The following NAA80 variants were observed in gnomAD, a reference collection of about 807,000 sequenced individuals.
NAA80 encodes the protein N-alpha-acetyltransferase 80.
In NAA80, 5 loss-of-function variants were observed where a neutral mutation model predicts 8.7. The ratio of observed to expected loss-of-function variants is 0.58; its 90% CI spans 0.30 to 1.21. The LOEUF (loss-of-function observed/expected upper bound fraction) is 1.21, where lower values mean the gene tolerates loss of function less well. Among genes scored for constraint, NAA80 ranks in the 50% most tolerant of loss-of-function variants. The pLI is 0.07. For synonymous variants in NAA80, 149 were observed against 156.6 expected (o/e 0.95, Z 0.36); for missense variants, 360 against 368.6 (o/e 0.98, Z 0.19).
chr3:50,297,691 C>T lies in NAA80; in HGVS notation c.-209-19G>A. On this transcript the variant is annotated intron_variant, in intron 1 of 1. Transcript: ENST00000443094. This position sits in a 1 kb window ranked among gnomAD's most constrained non-coding sequence, Gnocchi z 4.3. ...TCTCCTCCTGTAGATAACAGCCATG[C>T]TGGGCTGTGCCAGGAGGGAGGGTGG... The T allele has an allele frequency of 7.3e-7, 1 of 1,373,856 alleles. No individual in the cohort carries two copies. Among genetic ancestry groups the T allele is most frequent in the Non-Finnish European group, 9.4e-7 (1 of 1,068,718 alleles). 85.1% of individuals were successfully genotyped at this position (1,373,856 alleles called of 1,614,324 possible).
In NAA80 at chr3:50,296,980, C is replaced by T; in HGVS notation, c.484G>A (p.Val162Ile). ...CGGAAGCCCCGGGCCCGAGCAAAGACCTCCAGGCCCTCCATGAGGCGGCGG... is the reference window on the plus strand; with the variant it reads ...CGGAAGCCCCGGGCCCGAGCAAAGATCTCCAGGCCCTCCATGAGGCGGCGG... ...FGRRLMEGLE[V>I]FARARGFRKL... The change falls in exon 2 of 2, where the codon GTC becomes ATC. Residue 162 changes from valine (V) to isoleucine (I), a missense_variant. Coordinates refer to ENST00000443094, the MANE Select transcript of NAA80 (RefSeq NM_001200016.2). 2 of 1,573,388 alleles carry T rather than the reference C, an allele frequency of 1.3e-6. No homozygotes were observed. Among genetic ancestry groups the T allele is most frequent in the South Asian group, 1.2e-5 (1 of 84,256 alleles).
At position 50,299,327 on chromosome 3, in the gene NAA80, C is replaced by G; in HGVS notation, c.-324G>C. On this transcript the variant is annotated 5_prime_UTR_variant, in exon 1 of 2. Coordinates refer to ENST00000443094, the MANE Select transcript of NAA80 (RefSeq NM_001200016.2). ...ACAACGTTGGCCCCCAGCGGTGCGG[C>G]GGATGTTCTGCAGCCGTCGCGTCCT... is the stretch of plus-strand genomic sequence containing the variant. 6.3e-7 allele frequency: 1 copy of G among 1,597,296 alleles called. No homozygotes were observed. The highest frequency in any genetic ancestry group is 8.5e-7 in the Non-Finnish European group (1 of 1,173,798).
chr3:50,298,774 C>G, intron 1 of NAA80: 3 of 1,066,676 alleles, frequency 2.8e-6, no homozygotes, highest in Non-Finnish European at 3.4e-6. Flanking sequence ...ACAGGCACCC[C>G]CCTCCCCTCA....
chr3:50,299,007 T>C, intron 1 of NAA80: 1 of 1,477,646 alleles, frequency 6.8e-7, no homozygotes, highest in South Asian at 1.3e-5. Flanking sequence ...GGGCCTCGGT[T>C]TCCCCCTCCC....
At chr3:50,298,139 C>G in intron 1 of NAA80, 1 of 976,710 alleles carries the variant, frequency 1.0e-6, no homozygotes, top group Non-Finnish European at 1.2e-6. Flanking sequence ...CTCAAACCTA[C>G]CCAAGGTTCC....
Position 50,296,656 on chromosome 3 carries a change from G to GT in NAA80, c.807dup (p.Gln270ThrfsTer43). 6.2e-7 allele frequency: 1 copy of GT among 1,613,966 alleles called. No individual in the cohort carries two copies. Among genetic ancestry groups the GT allele is most frequent in the Non-Finnish European group, 8.5e-7 (1 of 1,179,968 alleles). The stretch of plus-strand genomic sequence containing the variant: ...GGGCGCCCCCTCACATTTTGATATT[G>GT]TGTCTCCAGCAGGCTTTTTGAAGGG... On this transcript the variant is annotated frameshift_variant, in exon 2 of 2. Transcript: ENST00000443094. LOFTEE classifies it high-confidence loss of function.
In NAA80 at chr3:50,296,729, AG is replaced by A. The variant is rs34185226; in HGVS notation, c.734del (p.Pro245LeufsTer7). 6.2e-5 allele frequency: 99 copies of A among 1,589,604 alleles called. No homozygotes were observed. Among genetic ancestry groups the A allele is most frequent in the Non-Finnish European group, 8.4e-5 (98 of 1,168,766 alleles). ...AGATGGTCAGGCACTCAGGTAGGGGAGGGGGTGGTGGCAATGGAGGTCCCTT... is the reference window on the plus strand; with the variant it reads ...AGATGGTCAGGCACTCAGGTAGGGGAGGGGTGGTGGCAATGGAGGTCCCTT... ...GPKGPPLPPP[P>X]PLPECLTISP... On this transcript the variant is annotated frameshift_variant, in exon 2 of 2. Transcript: ENST00000443094. LOFTEE classifies it high-confidence loss of function.
Position 50,297,481 on chromosome 3 carries a change from G to T in NAA80, c.-18C>A. 2 of 1,572,134 alleles carry T rather than the reference G, an allele frequency of 1.3e-6. No homozygotes were observed. The highest frequency in any genetic ancestry group is 1.7e-6 in the Non-Finnish European group (2 of 1,155,772). On this transcript the variant is annotated 5_prime_UTR_variant, in exon 2 of 2. Coordinates refer to ENST00000443094, the MANE Select transcript of NAA80 (RefSeq NM_001200016.2). The surrounding 1 kb of genome is among the most constrained non-coding windows in gnomAD (Gnocchi z 4.3). Reference sequence around the variant, plus strand: ...AGCTCCATCCGGTGTGTAGGGTCTAGTGTAGGGGTCAGCTTGGCTGGGCCA... The same window carrying T: ...AGCTCCATCCGGTGTGTAGGGTCTATTGTAGGGGTCAGCTTGGCTGGGCCA...
At position 50,296,840 on chromosome 3, in the gene NAA80, C is replaced by T; in HGVS notation, c.624G>A (p.Leu208=). 6.3e-7 allele frequency: 1 copy of T among 1,585,670 alleles called. No individual in the cohort carries two copies. The highest frequency in any genetic ancestry group is 8.6e-7 in the Non-Finnish European group (1 of 1,167,492). Residue 208 remains leucine (L), a synonymous_variant, in exon 2 of 2, where the codon CTG becomes CTA. Coordinates refer to ENST00000443094, the MANE Select transcript of NAA80 (RefSeq NM_001200016.2). ...AGGGGGCTGTGGGGAAGGCATTAAG[C>T]AGGGTGGCAGGCAGCCGTCTGCTGG... is the stretch of plus-strand genomic sequence containing the variant. The part of the protein sequence containing the change: ...VFTSRRLPAT[L]LNAFPTAPSP...
Position 50,299,356 on chromosome 3 carries a change from G to A in NAA80, c.-353C>T. On this transcript the variant is annotated 5_prime_UTR_variant, in exon 1 of 2. Coordinates refer to ENST00000443094, the MANE Select transcript of NAA80 (RefSeq NM_001200016.2). ...TGTTCTGCAGCCGTCGCGTCCTGCG[G>A]CACGCCACGGCGTTCTAAGGCCTCC... The A allele has an allele frequency of 1.3e-6, 2 of 1,547,916 alleles. No homozygotes were observed. The highest frequency in any genetic ancestry group is 2.4e-5 in the East Asian group (1 of 41,646).
chr3:50,298,270 G>A (rs1553711730), intron 1 of NAA80, among the ~76,000 whole-genome samples: 1 of 152,068 alleles, frequency 6.6e-6, no homozygotes, highest in East Asian at 1.9e-4. Context: ...AGTGGATCCT[G>A]GGGCCCCACT....
intron 1 of NAA80, among the ~76,000 whole-genome samples, chr3:50,298,321 C>CGGA (rs1216763783): frequency 1.3e-5 from 2 of 152,122 alleles, no homozygotes; most frequent in African/African-American, 4.8e-5. Flanking sequence ...TCTTGACTGC[C>CGGA]TTCCCCACCT....
Position 50,297,109 on chromosome 3 carries a change from C to A in NAA80, c.355G>T (p.Val119Phe). 1 of 1,554,726 alleles carries A rather than the reference C, an allele frequency of 6.4e-7. No individual in the cohort carries two copies. The highest frequency in any genetic ancestry group is 8.7e-7 in the Non-Finnish European group (1 of 1,148,796). Residue 119 changes from valine (V) to phenylalanine (F), a missense_variant, in exon 2 of 2, where the codon GTT (valine) becomes TTT (phenylalanine). Physicochemically the swap from Val to Phe is conservative, Grantham distance 50 (BLOSUM62 -1). Transcript: ENST00000443094. The surrounding 1 kb of genome is among the most constrained non-coding windows in gnomAD (Gnocchi z 4.3). ...GACAGGCGGGCATGGCCCACCACAA[C>A]GGGTGCTGCTTCAAGTGTGGGGTGG... ...SPHPTLEAAP[V>F]VVGHARLSRV...
At position 50,296,942 on chromosome 3, in the gene NAA80, G is replaced by T; in HGVS notation, c.522C>A (p.Leu174=). 6.2e-7 allele frequency: 1 copy of T among 1,606,960 alleles called. No homozygotes were observed. The highest frequency in any genetic ancestry group is 1.1e-5 in the South Asian group (1 of 90,346). The change falls in exon 2 of 2, where the codon CTC becomes CTA. Residue 174 remains leucine (L), a synonymous_variant. Coordinates refer to ENST00000443094, the MANE Select transcript of NAA80 (RefSeq NM_001200016.2). ...AGAAGTGCACCTGGTCATGGGTGGTGAGATGCAGCTTGCGGAAGCCCCGGG... is the reference window on the plus strand; with the variant it reads ...AGAAGTGCACCTGGTCATGGGTGGTTAGATGCAGCTTGCGGAAGCCCCGGG... ...ARARGFRKLH[L]TTHDQVHFYT... is the part of the protein sequence containing the mutation.
Position 50,296,571 on chromosome 3 carries a change from A to G in NAA80, c.*32T>C. The G allele has an allele frequency of 6.2e-7, 1 of 1,607,384 alleles. No individual in the cohort carries two copies. Among genetic ancestry groups the G allele is most frequent in the South Asian group, 1.1e-5 (1 of 90,466 alleles). ...GTAGACTGTCGGGGCAGTCTATTGA[A>G]CCAGAAAGACAGTTCCTTGCCCTGG... On this transcript the variant is annotated 3_prime_UTR_variant, in exon 2 of 2. Coordinates refer to ENST00000443094, the MANE Select transcript of NAA80 (RefSeq NM_001200016.2).
At position 50,299,286 on chromosome 3, in the gene NAA80, C is replaced by A. The variant is rs1327936019; in HGVS notation, c.-283G>T. 3 of 1,612,996 alleles carry A rather than the reference C, an allele frequency of 1.9e-6. No individual in the cohort carries two copies. In the East Asian group the frequency reaches 6.7e-5, roughly 36 times the overall value. On this transcript the variant is annotated 5_prime_UTR_variant, in exon 1 of 2. Transcript: ENST00000443094. ...TGGGTATCTCACTCAGTCGCCACCT[C>A]GGACTCCTCGGTCCGACAACGTTGG... is the stretch of plus-strand genomic sequence containing the variant.
intron 1 of NAA80, chr3:50,298,124 C>G: frequency 1.0e-6 from 1 of 983,458 alleles, no homozygotes; most frequent in Non-Finnish European, 1.2e-6. Flanking sequence ...ACACTATACC[C>G]CCTGCTCAAA....
Position 50,296,692 on chromosome 3 carries a change from G to A in NAA80, c.772C>T (p.Pro258Ser). ...PECLTISPPV[P>S]SGPPSKSLLE... ...AGGCTTTTTGAAGGGGGCCCTGATG[G>A]AACTGGGGGTGAGATGGTCAGGCAC... Residue 258 changes from proline to serine, a missense_variant, in exon 2 of 2, where the codon CCA becomes TCA. Coordinates refer to ENST00000443094, the MANE Select transcript of NAA80 (RefSeq NM_001200016.2). The A allele has an allele frequency of 2.5e-6, 4 of 1,613,832 alleles. No homozygotes were observed. Among genetic ancestry groups the A allele is most frequent in the Non-Finnish European group, 3.4e-6 (4 of 1,179,870 alleles).
In NAA80 at chr3:50,296,954, G is replaced by A; in HGVS notation, c.510C>T (p.Arg170=). 1.2e-6 allele frequency: 2 copies of A among 1,603,260 alleles called. No individual in the cohort carries two copies. Among genetic ancestry groups the A allele is most frequent in the Non-Finnish European group, 1.7e-6 (2 of 1,176,354 alleles). The change falls in exon 2 of 2, where the codon CGC becomes CGT. Residue 170 remains arginine (R), a synonymous_variant. Coordinates refer to ENST00000443094, the MANE Select transcript of NAA80 (RefSeq NM_001200016.2). ...GGTCATGGGTGGTGAGATGCAGCTT[G>A]CGGAAGCCCCGGGCCCGAGCAAAGA... ...LEVFARARGF[R]KLHLTTHDQV...
Sources: gnomAD v4.1 joint callset for allele counts (sites outside exome capture counted in the v4.1 genomes callset) on GRCh38, gnomAD v4.1.1 for gene constraint, Gnocchi (gnomAD v3.1) non-coding constraint, MANE v1.5 for transcripts, NCBI Gene and HGNC (gene_info 2026-07-23, HGNC 2026-07-21) for gene names.